Variants in BCAS3 observed in about 807,000 individuals in gnomAD.
BCAS3 encodes the protein BCAS3 microtubule associated cell migration factor, also known as BCAS4/BCAS3 fusion.
BCAS3 carries 53 observed loss-of-function variants against 116.1 expected under a neutral mutation model. That is an observed-to-expected ratio of 0.46 (90% CI 0.37 to 0.57). The LOEUF is 0.57. BCAS3 is among the 20% of genes least tolerant of loss of function. BCAS3 has a pLI of 0.00. For synonymous variants in BCAS3, 391 were observed against 408.2 expected, an observed-to-expected ratio of 0.96 and a Z score of 0.51; for missense variants, 917 against 1,165.4, an observed-to-expected ratio of 0.79 and a Z score of 3.10.
intron 7 of BCAS3, among the ~76,000 whole-genome samples, chr17:60,829,292 A>C (rs896289236): frequency 8.5e-5 from 13 of 152,188 alleles, no homozygotes; most frequent in Admixed American, 5.9e-4. Flanking sequence ...CAGGAGTTCA[A>C]GACCAGCCTG....
In BCAS3 at chr17:61,282,723, T is replaced by G. The variant is rs543391970; in HGVS notation, c.2426-85604T>G. Among the ~76,000 whole-genome samples, 34 of 152,222 alleles carry G rather than the reference T, an allele frequency of 2.2e-4. No individual in the cohort carries two copies. Among genetic ancestry groups the G allele is most frequent in the Non-Finnish European group, 4.0e-4 (27 of 68,042 alleles). On this transcript the variant is annotated intron_variant, in intron 22 of 23. Coordinates refer to ENST00000407086, the MANE Select transcript of BCAS3 (RefSeq NM_017679.5). The surrounding 1 kb of genome is among the most constrained non-coding windows in gnomAD (Gnocchi z 5.9). ...AATCAGACCCTTCCAGAAGTCTCTA[T>G]ACCTCACTTTGAGAGAATTTCCATT...
At chr17:61,147,934 C>T (rs113719955) in intron 22 of BCAS3, among the ~76,000 whole-genome samples, 104 of 150,010 alleles carry the variant, frequency 6.9e-4, no homozygotes, top group African/African-American at 2.4e-3. Flanking sequence ...TGCAGTGAGC[C>T]GAGATCATGC....
chr17:61,270,673 T>A (rs1044965436), intron 22 of BCAS3, among the ~76,000 whole-genome samples: 1 of 152,218 alleles, frequency 6.6e-6, no homozygotes, highest in Non-Finnish European at 1.5e-5. Context: ...TAAATCCAAA[T>A]GTAATGAAAC....
At chr17:60,997,643 A>G (rs1175196667) in intron 15 of BCAS3, among the ~76,000 whole-genome samples, 3 of 152,320 alleles carry the variant, frequency 2.0e-5, no homozygotes, top group East Asian at 1.9e-4. Flanking sequence ...ATTTAATTAC[A>G]TATCTTTGCT....
chr17:60,723,627 T>C (rs1272892797), intron 5 of BCAS3, among the ~76,000 whole-genome samples: 1 of 152,082 alleles, frequency 6.6e-6, no homozygotes, highest in Non-Finnish European at 1.5e-5. Flanking sequence ...GCAGTAGTAT[T>C]GTGGAAACTA....
At chr17:61,360,916 C>T (rs2058422618) in intron 22 of BCAS3, among the ~76,000 whole-genome samples, 1 of 152,204 alleles carries the variant, frequency 6.6e-6, no homozygotes, top group Non-Finnish European at 1.5e-5. Context: ...GAACCCAGGT[C>T]TTCTGCTTAA....
At chr17:61,018,910 G>A (rs1453631238) in intron 16 of BCAS3, among the ~76,000 whole-genome samples, 1 of 152,084 alleles carries the variant, frequency 6.6e-6, no homozygotes, top group Non-Finnish European at 1.5e-5. Flanking sequence ...CATAGCTTTA[G>A]TGTACTACAA....
At chr17:61,049,705 T>TTTTTCTTTTCTTTTCTTTTC in intron 19 of BCAS3, among the ~76,000 whole-genome samples, 1 of 149,002 alleles carries the variant, frequency 6.7e-6, no homozygotes, top group African/African-American at 2.5e-5. Flanking sequence ...GATAAGCAGA[T>TTTTTCTTTTCTTTTCTTTTC]TTTTCTTTTC....
intron 22 of BCAS3, among the ~76,000 whole-genome samples, chr17:61,160,381 AT>A (rs1370183670): frequency 6.6e-6 from 1 of 152,050 alleles, no homozygotes; most frequent in Non-Finnish European, 1.5e-5. Context: ...GCCGTGCTGG[AT>A]GGTTAATATA....
intron 10 of BCAS3, among the ~76,000 whole-genome samples, chr17:60,894,984 T>G (rs959072897): frequency 1.3e-5 from 2 of 152,140 alleles, no homozygotes; most frequent in African/African-American, 4.8e-5. Context: ...TCTTGAAGAT[T>G]TTGGTGTCTG....
In BCAS3 at chr17:61,249,650, T is replaced by A. The variant is rs1161638652; in HGVS notation, c.2426-118677T>A. ...TTCCCTTAACTGATCTAAGGGAAAA[T>A]TCTTTTTCTCGTGTTGTTTTAGGAA... On this transcript the variant is annotated intron_variant, in intron 22 of 23. Transcript: ENST00000407086. This position sits in a 1 kb window ranked among gnomAD's most constrained non-coding sequence, Gnocchi z 6.2. Among the ~76,000 whole-genome samples, 1 of 152,126 alleles carries A rather than the reference T, an allele frequency of 6.6e-6. No individual in the cohort carries two copies. Among genetic ancestry groups the A allele is most frequent in the Non-Finnish European group, 1.5e-5 (1 of 68,030 alleles).
intron 11 of BCAS3, among the ~76,000 whole-genome samples, chr17:60,906,150 G>T (rs1027083810): frequency 2.6e-5 from 4 of 152,118 alleles, no homozygotes; most frequent in Non-Finnish European, 5.9e-5. Context: ...TTATTTGGGG[G>T]CTGATTTTTA....
chr17:60,948,444 A>G (rs2060646616), intron 14 of BCAS3, among the ~76,000 whole-genome samples: 1 of 152,156 alleles, frequency 6.6e-6, no homozygotes, highest in Admixed American at 6.5e-5. Context: ...TAATATTCTT[A>G]ATATCACATG....
chr17:61,322,064 G>A (rs1348219878), intron 22 of BCAS3, among the ~76,000 whole-genome samples: 2 of 152,054 alleles, frequency 1.3e-5, no homozygotes, highest in African/African-American at 4.8e-5. Flanking sequence ...CTCCCGAGTA[G>A]CTGGGATTAC....
chr17:60,868,684 G>A lies in BCAS3; in HGVS notation c.584+1G>A. ...TTTATGATCTCCATTGCAATAAACG[G>A]TAAGGATTTTTTCATGGGTTTCTTG... On this transcript the variant is annotated splice_donor_variant, in intron 8 of 23. Transcript: ENST00000407086. LOFTEE classifies it high-confidence loss of function. 2 of 1,555,954 alleles carry A rather than the reference G, an allele frequency of 1.3e-6. No individual in the cohort carries two copies. Among genetic ancestry groups the A allele is most frequent in the South Asian group, 1.2e-5 (1 of 83,646 alleles).
intron 22 of BCAS3, among the ~76,000 whole-genome samples, chr17:61,264,655 A>G (rs1329861013): frequency 1.3e-5 from 2 of 152,036 alleles, no homozygotes; most frequent in Non-Finnish European, 2.9e-5. Context: ...TGATCCACCC[A>G]CCTCGGCCTC....
chr17:60,819,834 C>T (rs529649079), intron 7 of BCAS3, among the ~76,000 whole-genome samples: 1 of 152,074 alleles, frequency 6.6e-6, no homozygotes, highest in Non-Finnish European at 1.5e-5. Flanking sequence ...TTGATCCTAG[C>T]TCACTGTAGC....
chr17:60,910,250 C>G (rs1025091369), intron 11 of BCAS3, among the ~76,000 whole-genome samples: 1 of 152,006 alleles, frequency 6.6e-6, no homozygotes, highest in South Asian at 2.1e-4. Context: ...ATAATTGTAC[C>G]CTTATGTAAA....
At position 61,325,635 on chromosome 17, in the gene BCAS3, G is replaced by A. The variant is rs1466967087; in HGVS notation, c.2426-42692G>A. On this transcript the variant is annotated intron_variant, in intron 22 of 23. Coordinates refer to ENST00000407086, the MANE Select transcript of BCAS3 (RefSeq NM_017679.5). The surrounding 1 kb of genome is among the most constrained non-coding windows in gnomAD (Gnocchi z 6.4). ...GAGCATTGATATATGGCCCAAGCAA[G>A]GGACTAAAATCTTAAAGTGACAGGG... Among the ~76,000 whole-genome samples the A allele has an allele frequency of 1.3e-5, 2 of 152,234 alleles. No individual in the cohort carries two copies. The highest frequency in any genetic ancestry group is 4.8e-5 in the African/African-American group (2 of 41,454).
Sources: allele counts gnomAD v4.1 joint callset (sites outside exome capture counted in the v4.1 genomes callset), GRCh38; gene constraint gnomAD v4.1.1; non-coding constraint Gnocchi (gnomAD v3.1); transcripts MANE v1.5; gene names NCBI Gene and HGNC (gene_info 2026-07-23, HGNC 2026-07-21).